OTC: variants seen among roughly 807,000 people sequenced by gnomAD.
OTC encodes ornithine transcarbamylase.
A neutral mutation model predicts 30.3 loss-of-function variants in OTC; 3 were observed. That is an observed-to-expected ratio of 0.10 (90% CI 0.05 to 0.26). The LOEUF (loss-of-function observed/expected upper bound fraction) is 0.26. Among genes scored for constraint, OTC ranks in the 10% least tolerant of loss-of-function variants. The probability of loss-of-function intolerance (pLI) is 1.00; values close to 1 mark genes in which losing one functional copy is unlikely to be tolerated. For synonymous variants in OTC, 111 were observed against 99.7 expected (o/e 1.11, Z -0.67); for missense variants, 194 against 260.3 (o/e 0.75, Z 1.75).
At chrX:38,371,902 G>A (rs1334721804) in intron 3 of OTC, among the ~76,000 whole-genome samples, 1 of 112,073 alleles carries the variant, frequency 8.9e-6, no homozygotes, top group African/African-American at 3.2e-5. Context: ...TTCAACACTA[G>A]TATTCCATGA....
At chrX:38,362,463 T>C (rs188092594) in intron 1 of OTC, among the ~76,000 whole-genome samples, 7 of 111,834 alleles carry the variant, frequency 6.3e-5, no homozygotes, top group Non-Finnish European at 1.3e-4. Flanking sequence ...GGGAGATTTT[T>C]CCAATCACTT....
intron 4 of OTC, among the ~76,000 whole-genome samples, chrX:38,397,713 T>C (rs757231681): frequency 8.0e-5 from 9 of 111,906 alleles, no homozygotes; most frequent in Non-Finnish European, 1.1e-4. Context: ...TTCCTCTACA[T>C]TGATCCACTG....
At chrX:38,368,032 A>G (rs1204779690) in intron 2 of OTC, among the ~76,000 whole-genome samples, 1 of 110,850 alleles carries the variant, frequency 9.0e-6, no homozygotes, top group African/African-American at 3.3e-5. Flanking sequence ...TTTTATTTTT[A>G]TACCCCTTTT....
the OTC span, among the ~76,000 whole-genome samples, chrX:38,337,917 C>T: frequency 6.4e-5 from 7 of 109,351 alleles, no homozygotes; most frequent in East Asian, 2.0e-3. Context: ...CAAGTAACTC[C>T]CTCAGGTTAA....
At chrX:38,351,352 A>G (rs978443466), upstream of OTC, among the ~76,000 whole-genome samples, 2 of 112,043 alleles carry the variant, frequency 1.8e-5, no homozygotes, top group African/African-American at 3.2e-5. Flanking sequence ...TAAATTGACC[A>G]GAAGAGGCAG....
At chrX:38,386,314 A>T (rs1380750824) in intron 4 of OTC, among the ~76,000 whole-genome samples, 5 of 107,149 alleles carry the variant, frequency 4.7e-5, no homozygotes, top group Non-Finnish European at 9.6e-5. Context: ...TGGAGGTTGT[A>T]GTGAGCTGAG....
At chrX:38,396,872 C>T (rs771427351) in intron 4 of OTC, among the ~76,000 whole-genome samples, 5 of 111,877 alleles carry the variant, frequency 4.5e-5, no homozygotes, top group Non-Finnish European at 9.4e-5. Flanking sequence ...ATTGCATATG[C>T]GACTGGTGCT....
intron 9 of OTC, among the ~76,000 whole-genome samples, chrX:38,415,020 A>G (rs1223486009): frequency 9.0e-6 from 1 of 111,348 alleles, no homozygotes; most frequent in Non-Finnish European, 1.9e-5. Context: ...ATGAGACCTT[A>G]GAGACTATCC....
chrX:38,365,579 A>G (rs950002833), intron 1 of OTC, among the ~76,000 whole-genome samples: 3 of 112,397 alleles, frequency 2.7e-5, no homozygotes, highest in African/African-American at 9.7e-5. Context: ...AAATTAGAAG[A>G]TAATTTATAG....
the OTC span, among the ~76,000 whole-genome samples, chrX:38,335,742 G>A: frequency 1.8e-5 from 2 of 112,510 alleles, no homozygotes; most frequent in Admixed American, 1.9e-4. Flanking sequence ...TACATCAGCT[G>A]TTAGTCACTG....
rs137881810 is a variant in OTC, at chrX:38,395,600, A to G, written c.387-5675A>G. The stretch of plus-strand genomic sequence containing the variant: ...CACAGACCCACAGTTCTCTCTGCAC[A>G]CAACATGCTCACAGTTCCATCCATA... On this transcript the variant is annotated intron_variant, in intron 4 of 9. Transcript: ENST00000039007. 3.0e-3 allele frequency: 437 copies of G among 145,482 alleles called. 8 individuals carry two copies. The East Asian group carries it at 0.072, about 24-fold the overall frequency. 12.0% of individuals were successfully genotyped at this position (145,482 alleles called of 1,213,427 possible).
the OTC span, among the ~76,000 whole-genome samples, chrX:38,345,293 A>T: frequency 9.0e-6 from 1 of 111,627 alleles, no homozygotes; most frequent in Non-Finnish European, 1.9e-5. Context: ...TTTGGGAGAA[A>T]CTTAGTTTAT....
At chrX:38,365,298 G>C (rs760951328) in intron 1 of OTC, among the ~76,000 whole-genome samples, 131 of 112,958 alleles carry the variant, frequency 1.2e-3, no homozygotes, top group African/African-American at 4.2e-3. Context: ...ATAACACTAG[G>C]AATGATGAGA....
chrX:38,418,316 A>T (rs758912700), intron 9 of OTC, among the ~76,000 whole-genome samples: 3 of 111,573 alleles, frequency 2.7e-5, no homozygotes, highest in East Asian at 5.6e-4. Flanking sequence ...TCCTTTGCCC[A>T]TTTTTTAATC....
At chrX:38,404,554 A>G (rs1156396458) in intron 6 of OTC, among the ~76,000 whole-genome samples, 1 of 111,961 alleles carries the variant, frequency 8.9e-6, no homozygotes, top group African/African-American at 3.3e-5. Flanking sequence ...CGTAGATGGT[A>G]TATATTTTTA....
the OTC span, among the ~76,000 whole-genome samples, chrX:38,329,601 G>T: frequency 8.9e-6 from 1 of 111,887 alleles, no homozygotes; most frequent in Admixed American, 9.4e-5. Flanking sequence ...CTGCGTGGCA[G>T]ACGGAAAATT....
the OTC span, among the ~76,000 whole-genome samples, chrX:38,333,215 CAAAAA>C: frequency 2.1e-5 from 1 of 47,167 alleles, no homozygotes. Flanking sequence ...AACTCTGTCT[CAAAAA>C]AAAAAAAAAA....
At chrX:38,332,504 T>TTATATATAGATATATATATA in the OTC span, among the ~76,000 whole-genome samples, 1 of 39,381 alleles carries the variant, frequency 2.5e-5, no homozygotes, top group Non-Finnish European at 4.7e-5. Flanking sequence ...GCCCTAGATT[T>TTATATATAGATATATATATA]TATATATATA....
At chrX:38,366,054 G>A (rs2068294297) in intron 1 of OTC, among the ~76,000 whole-genome samples, 1 of 111,796 alleles carries the variant, frequency 8.9e-6, no homozygotes, top group African/African-American at 3.3e-5. Context: ...TCACAAGAGA[G>A]TCAGGTGTTG....
Sources: gnomAD v4.1 joint callset for allele counts (sites outside exome capture counted in the v4.1 genomes callset) on GRCh38, gnomAD v4.1.1 for gene constraint, MANE v1.5 for transcripts, NCBI Gene and HGNC (gene_info 2026-07-23, HGNC 2026-07-21) for gene names.